Variants in HEMK2 observed in about 807,000 individuals in gnomAD.
The protein encoded by HEMK2 is HemK methyltransferase 2, ETF1 glutamine and histone H4 lysine.
the HEMK2 span, among the ~76,000 whole-genome samples, chr21:28,831,634 GGAAAGAAA>G: frequency 3.2e-3 from 115 of 36,432 alleles, no homozygotes; most frequent in East Asian, 6.6e-3. Flanking sequence ...AAAGAAGGAA[GGAAAGAAA>G]GAAAGAAAGA....
At chr21:28,683,569 C>T in the HEMK2 span, among the ~76,000 whole-genome samples, 7 of 152,282 alleles carry the variant, frequency 4.6e-5, no homozygotes, top group Admixed American at 3.3e-4. Flanking sequence ...AACATTTTTA[C>T]ATACACGCAC....
the HEMK2 span, among the ~76,000 whole-genome samples, chr21:28,866,442 C>T: frequency 4.0e-5 from 2 of 49,736 alleles, no homozygotes; most frequent in Non-Finnish European, 1.0e-4. Context: ...GAGTGAGACT[C>T]CATCTCAAAA....
chr21:28,831,221 G>C, the HEMK2 span, among the ~76,000 whole-genome samples: 1 of 151,856 alleles, frequency 6.6e-6, no homozygotes. Context: ...GAGGTGGGTG[G>C]ATCACTTGAG....
the HEMK2 span, among the ~76,000 whole-genome samples, chr21:28,682,212 A>C: frequency 6.6e-6 from 1 of 151,940 alleles, no homozygotes; most frequent in Non-Finnish European, 1.5e-5. Context: ...CAAGAAAAAA[A>C]CAAACAACCC....
chr21:28,784,883 T>C, the HEMK2 span, among the ~76,000 whole-genome samples: 1 of 152,178 alleles, frequency 6.6e-6, no homozygotes, highest in Non-Finnish European at 1.5e-5. Context: ...GTTCTTTCAC[T>C]CTTTGCAATA....
At chr21:28,782,383 G>A in the HEMK2 span, among the ~76,000 whole-genome samples, 2 of 152,136 alleles carry the variant, frequency 1.3e-5, no homozygotes, top group Non-Finnish European at 2.9e-5. Context: ...TATATCTTCA[G>A]GGAACAATCA....
At chr21:28,750,496 C>T in the HEMK2 span, among the ~76,000 whole-genome samples, 2 of 151,792 alleles carry the variant, frequency 1.3e-5, no homozygotes, top group African/African-American at 2.4e-5. Context: ...GCCAGGAGTT[C>T]GAGAACAGCC....
At chr21:28,577,058 T>C in the HEMK2 span, among the ~76,000 whole-genome samples, 3 of 152,224 alleles carry the variant, frequency 2.0e-5, no homozygotes, top group Non-Finnish European at 4.4e-5. Context: ...CTGTGAACCA[T>C]TACCTTAAGA....
the HEMK2 span, among the ~76,000 whole-genome samples, chr21:28,708,280 T>C: frequency 6.6e-6 from 1 of 152,364 alleles, no homozygotes; most frequent in African/African-American, 2.4e-5. Flanking sequence ...TAAAGATCTT[T>C]TGAAAATCAG....
chr21:28,704,116 T>C, the HEMK2 span, among the ~76,000 whole-genome samples: 1 of 152,112 alleles, frequency 6.6e-6, no homozygotes, highest in Non-Finnish European at 1.5e-5. Flanking sequence ...AGCTTGGAGG[T>C]CATGTTTCTA....
At chr21:28,772,391 G>A in the HEMK2 span, among the ~76,000 whole-genome samples, 2 of 152,096 alleles carry the variant, frequency 1.3e-5, no homozygotes, top group African/African-American at 4.8e-5. Context: ...TTAAAGTATT[G>A]CCTGGCTGGT....
the HEMK2 span, among the ~76,000 whole-genome samples, chr21:28,715,260 T>C: frequency 6.6e-5 from 10 of 152,178 alleles, no homozygotes; most frequent in African/African-American, 2.4e-4. Context: ...CCACCAGCAG[T>C]GTGTAAGCAT....
the HEMK2 span, among the ~76,000 whole-genome samples, chr21:28,608,270 T>C: frequency 3.3e-5 from 5 of 152,276 alleles, no homozygotes; most frequent in East Asian, 1.9e-4. Flanking sequence ...TTTAATAATA[T>C]GTTTTCATTC....
chr21:28,834,059 T>C, the HEMK2 span, among the ~76,000 whole-genome samples: 1 of 152,242 alleles, frequency 6.6e-6, no homozygotes, highest in African/African-American at 2.4e-5. Context: ...ACGTGGTTTA[T>C]GCTTGCTTCT....
chr21:28,814,401 G>T, the HEMK2 span, among the ~76,000 whole-genome samples: 17 of 151,764 alleles, frequency 1.1e-4, no homozygotes, highest in African/African-American at 4.1e-4. Flanking sequence ...TTAAACTAAA[G>T]AGCTTCTGCA....
the HEMK2 span, among the ~76,000 whole-genome samples, chr21:28,753,091 G>A: frequency 6.6e-6 from 1 of 152,162 alleles, no homozygotes; most frequent in African/African-American, 2.4e-5. Context: ...GTTCTCCAGG[G>A]TTAAGAAGTA....
the HEMK2 span, among the ~76,000 whole-genome samples, chr21:28,877,264 G>GGAAGGAAGGAAGGAAA: frequency 2.9e-5 from 2 of 68,680 alleles, no homozygotes; most frequent in East Asian, 7.1e-4. Flanking sequence ...GAGAAGGGAA[G>GGAAGGAAGGAAGGAAA]GAAGGAAGGA....
At chr21:28,707,611 G>A in the HEMK2 span, among the ~76,000 whole-genome samples, 1 of 152,048 alleles carries the variant, frequency 6.6e-6, no homozygotes, top group Non-Finnish European at 1.5e-5. Context: ...AGACTCACCA[G>A]AGAATTGCCT....
the HEMK2 span, among the ~76,000 whole-genome samples, chr21:28,662,164 C>A: frequency 1.3e-5 from 2 of 151,446 alleles, no homozygotes; most frequent in African/African-American, 2.4e-5. Context: ...AGGAGCAGAT[C>A]TCTGAAAGGG....
Sources: allele counts gnomAD v4.1 joint callset (sites outside exome capture counted in the v4.1 genomes callset), GRCh38; gene constraint gnomAD v4.1.1; transcripts MANE v1.5; gene names NCBI Gene and HGNC (gene_info 2026-07-23, HGNC 2026-07-21).